PRTN3: variants seen among roughly 807,000 people sequenced by gnomAD.
PRTN3 encodes proteinase 3, also known as myeloblastin.
PRTN3 carries 22 observed loss-of-function variants against 20.7 expected under a neutral mutation model. That is an observed-to-expected ratio of 1.06 (90% CI 0.76 to 1.52). PRTN3 has a LOEUF of 1.52. Among genes scored for constraint, PRTN3 ranks in the 40% most tolerant of loss-of-function variants. The pLI is 0.00. For synonymous variants in PRTN3, 173 were observed against 152.9 expected (o/e 1.13, Z -0.97); for missense variants, 378 against 359.6 (o/e 1.05, Z -0.41).
chr19:843,705 C>A lies in PRTN3; in HGVS notation c.227+79C>A, dbSNP rs552881849. On this transcript the variant is annotated intron_variant, in intron 2 of 4. Transcript: ENST00000234347. Reference sequence around the variant, plus strand: ...CCTGGCCCGGCCACTGTCCCTCTGCCCGGGGAGGACCCAGCTAAGCCCCGT... The same window carrying A: ...CCTGGCCCGGCCACTGTCCCTCTGCACGGGGAGGACCCAGCTAAGCCCCGT... The A allele has an allele frequency of 3.6e-5, 53 of 1,492,260 alleles. 1 individual carries two copies. In the South Asian group the frequency reaches 6.2e-4, roughly 17 times the overall value. 92.4% of individuals were successfully genotyped at this position (1,492,260 alleles called of 1,614,324 possible).
chr19:846,502 G>T lies in PRTN3; in HGVS notation c.600+125G>T. 5.8e-6 allele frequency: 6 copies of T among 1,030,650 alleles called. No individual in the cohort carries two copies. In the South Asian group the frequency reaches 9.2e-5, roughly 16 times the overall value. 63.8% of individuals were successfully genotyped at this position (1,030,650 alleles called of 1,614,324 possible). A position where few individuals can be genotyped will look rare whatever the true frequency, so the allele number is the denominator to read the frequency against. On this transcript the variant is annotated intron_variant, in intron 4 of 4. Transcript: ENST00000234347. ...TGTGCCTCAGTCTCCCCACCTGGAA[G>T]GTGGGCACACCCAACACCCAACGGG...
rs754796750 is a variant in PRTN3, at chr19:847,968, G to A, written c.770G>A (p.Ter257=). 6.3e-7 allele frequency: 1 copy of A among 1,597,706 alleles called. No individual in the cohort carries two copies. Among genetic ancestry groups the A allele is most frequent in the Admixed American group, 1.7e-5 (1 of 58,456 alleles). The change falls in exon 5 of 5, where the codon TGA becomes TAA. Residue 257 remains the stop codon, a stop_retained_variant. Transcript: ENST00000234347. ...CGTGTGGAGGCCAAGGGCCGCCCCT[G>A]AACCGCCCCTCCCACAGCGCTGGCC... ...LRRVEAKGRP[*] is the part of the protein sequence containing the mutation.
At chr19:847,557 G>A (rs1478778533) in intron 4 of PRTN3, among the ~76,000 whole-genome samples, 34 of 121,968 alleles carry the variant, frequency 2.8e-4, no homozygotes, top group Middle Eastern at 4.1e-3. Context: ...GAAAAAGAAA[G>A]AGAGAGAGAG....
At chr19:844,158 C>T in intron 3 of PRTN3, 124 bp downstream of exon 3, 3 of 1,321,598 alleles carry the variant, frequency 2.3e-6, no homozygotes, top group Non-Finnish European at 3.0e-6. Flanking sequence ...GCCGCTGCAG[C>T]CTGGGTCCAG....
intron 1 of PRTN3, among the ~76,000 whole-genome samples, chr19:841,699 C>T (rs1213279687): frequency 1.3e-5 from 2 of 151,662 alleles, no homozygotes; most frequent in African/African-American, 4.8e-5. Context: ...CCCTCAGGTC[C>T]CTATCCTGAG....
chr19:847,726 T>C, intron 4 of PRTN3, 73 bp from the exon 5 acceptor site: 1 of 1,504,984 alleles, frequency 6.6e-7, no homozygotes, highest in East Asian at 2.4e-5. Context: ...CCCTGATGGG[T>C]GACTGGCCGT....
chr19:841,529 T>C (rs905740275), intron 1 of PRTN3, among the ~76,000 whole-genome samples: 2 of 138,912 alleles, frequency 1.4e-5, no homozygotes, highest in African/African-American at 5.5e-5. Context: ...AATGAGTGAA[T>C]GAATCAATGA....
At chr19:843,734 C>G in intron 2 of PRTN3, 108 bp downstream of exon 2, 2 of 1,464,730 alleles carry the variant, frequency 1.4e-6, no homozygotes, top group South Asian at 1.4e-5. Context: ...GCCCCGTCTG[C>G]AGACCCCAGG....
At chr19:844,179 CG>C (rs1568299510) in intron 3 of PRTN3, 145 bp downstream of exon 3, 1 of 1,088,954 alleles carries the variant, frequency 9.2e-7, no homozygotes, top group African/African-American at 1.7e-5. Flanking sequence ...TGGCACTGGC[CG>C]GGGGAGACCG....
At chr19:847,431 T>C (rs2035530348) in intron 4 of PRTN3, among the ~76,000 whole-genome samples, 1 of 147,870 alleles carries the variant, frequency 6.8e-6, no homozygotes, top group Non-Finnish European at 1.5e-5. Context: ...AGCGAGACTC[T>C]GTCGCAAACA....
At chr19:842,702 G>A (rs1280264753) in intron 1 of PRTN3, among the ~76,000 whole-genome samples, 3 of 146,808 alleles carry the variant, frequency 2.0e-5, no homozygotes, top group Admixed American at 7.1e-5. Flanking sequence ...ATTCTCCTGC[G>A]TCAACCTCCG....
chr19:843,388 C>A lies in PRTN3; in HGVS notation c.62-73C>A, dbSNP rs374091627. ...CGGGAGACGGAGGCTCGGAGAGGCCCAGGGGCTGCTCTGCCATCCCCCCTT... is the reference window on the plus strand; with the variant it reads ...CGGGAGACGGAGGCTCGGAGAGGCCAAGGGGCTGCTCTGCCATCCCCCCTT... On this transcript the variant is annotated intron_variant, in intron 1 of 4. Coordinates refer to ENST00000234347, the MANE Select transcript of PRTN3 (RefSeq NM_002777.4). The A allele has an allele frequency of 5.7e-4, 817 of 1,441,052 alleles. 8 individuals carry two copies. The South Asian group carries it at 0.011, about 19-fold the overall frequency. 89.3% of individuals were successfully genotyped at this position (1,441,052 alleles called of 1,614,324 possible). A position where few individuals can be genotyped will look rare whatever the true frequency, so the allele number is the denominator to read the frequency against.
intron 1 of PRTN3, among the ~76,000 whole-genome samples, chr19:842,920 A>T (rs113895219): frequency 0.011 from 1,606 of 144,000 alleles, 29 homozygotes; most frequent in African/African-American, 0.038. Context: ...ACATTTTTTT[A>T]AATTTTGTTT....
At chr19:844,969 A>G (rs908645212) in intron 3 of PRTN3, among the ~76,000 whole-genome samples, 1 of 125,588 alleles carries the variant, frequency 8.0e-6, no homozygotes, top group African/African-American at 3.1e-5. Context: ...TTTTTTTTAG[A>G]CAGAGTCTCA....
In PRTN3 at chr19:847,951, G is replaced by A; in HGVS notation, c.753G>A (p.Glu251=). 6.2e-7 allele frequency: 1 copy of A among 1,602,746 alleles called. No homozygotes were observed. Among genetic ancestry groups the A allele is most frequent in the Non-Finnish European group, 8.5e-7 (1 of 1,174,838 alleles). Residue 251 remains glutamate, a synonymous_variant, in exon 5 of 5, where the codon GAG becomes GAA. Coordinates refer to ENST00000234347, the MANE Select transcript of PRTN3 (RefSeq NM_002777.4). ...DWIRSTLRRV[E]AKGRP ...TCCGTTCCACGCTGCGCCGTGTGGA[G>A]GCCAAGGGCCGCCCCTGAACCGCCC...
rs1338278359 is a variant in PRTN3, at chr19:846,356, C to T, written c.579C>T (p.Arg193=). Residue 193 remains arginine, a synonymous_variant, in exon 4 of 5, where the codon CGC becomes CGT. Coordinates refer to ENST00000234347, the MANE Select transcript of PRTN3 (RefSeq NM_002777.4). Reference sequence around the variant, plus strand: ...ATAACATTTGCACTTTCGTCCCTCGCCGCAAGGCCGGCATCTGCTTCGTAA... The same window carrying T: ...ATAACATTTGCACTTTCGTCCCTCGTCGCAAGGCCGGCATCTGCTTCGTAA... ...RPHNICTFVP[R]RKAGICFGDS... 2.6e-6 allele frequency: 4 copies of T among 1,560,246 alleles called. No homozygotes were observed. Among genetic ancestry groups the T allele is most frequent in the Admixed American group, 3.8e-5 (2 of 52,004 alleles).
Position 847,964 on chromosome 19 carries a change from C to A in PRTN3, c.766C>A (p.Pro256Thr). 1.3e-6 allele frequency: 2 copies of A among 1,598,112 alleles called. No homozygotes were observed. Among genetic ancestry groups the A allele is most frequent in the East Asian group, 2.3e-5 (1 of 44,408 alleles). ...TLRRVEAKGR[P>T] ...GCGCCGTGTGGAGGCCAAGGGCCGC[C>A]CCTGAACCGCCCCTCCCACAGCGCT... The change falls in exon 5 of 5, where the codon CCC becomes ACC. Residue 256 changes from proline (P) to threonine (T), a missense_variant. Pro to Thr is a conservative substitution (Grantham distance 38). Transcript: ENST00000234347.
At chr19:843,363 CG>C in intron 1 of PRTN3, 97 bp from the exon 2 acceptor site, 1 of 1,309,036 alleles carries the variant, frequency 7.6e-7, no homozygotes, top group Non-Finnish European at 1.0e-6. Context: ...GGTTGCAGAT[CG>C]GGAGACGGAG....
chr19:848,079 C>A lies in PRTN3; in HGVS notation c.*110C>A. The A allele has an allele frequency of 7.6e-7, 1 of 1,313,188 alleles. No individual in the cohort carries two copies. Among genetic ancestry groups the A allele is most frequent in the Non-Finnish European group, 1.0e-6 (1 of 973,274 alleles). 81.3% of individuals were successfully genotyped at this position (1,313,188 alleles called of 1,614,324 possible). A position where few individuals can be genotyped will look rare whatever the true frequency, so the allele number is the denominator to read the frequency against. On this transcript the variant is annotated 3_prime_UTR_variant, in exon 5 of 5. Coordinates refer to ENST00000234347, the MANE Select transcript of PRTN3 (RefSeq NM_002777.4). ...CCGAACACTGTGGCGTCCGGGACGG[C>A]CCCACCCGTCCCCCCACACTCCCTC...
Sources: allele counts gnomAD v4.1 joint callset (sites outside exome capture counted in the v4.1 genomes callset), GRCh38; gene constraint gnomAD v4.1.1; transcripts MANE v1.5; gene names NCBI Gene and HGNC (gene_info 2026-07-23, HGNC 2026-07-21).